The following ABRAXAS1 variants were observed in gnomAD, a reference collection of about 807,000 sequenced individuals.
ABRAXAS1 encodes abraxas 1, BRCA1 A complex subunit.
ABRAXAS1 carries 26 observed loss-of-function variants against 38.4 expected under a neutral mutation model. The ratio of observed to expected loss-of-function variants is 0.68; its 90% CI spans 0.50 to 0.94. The LOEUF is 0.94. Among genes scored for constraint, ABRAXAS1 ranks in the 40% least tolerant of loss-of-function variants. ABRAXAS1 has a pLI of 0.00. For synonymous variants in ABRAXAS1, 144 were observed against 165.5 expected (o/e 0.87, Z 1.00); for missense variants, 438 against 481.9 (o/e 0.91, Z 0.85).
chr4:83,469,277 C>T, intron 5 of ABRAXAS1, 126 bp from the exon 6 acceptor site: 1 of 765,988 alleles, frequency 1.3e-6, no homozygotes, highest in East Asian at 2.5e-5. Flanking sequence ...CCATTCTTTA[C>T]TACTTATCCA....
chr4:83,484,750 G>C, intron 1 of ABRAXAS1: 1 of 397,466 alleles, frequency 2.5e-6, no homozygotes, highest in Non-Finnish European at 4.5e-6. Context: ...GGACACTTGG[G>C]TCGGAAAAGG....
rs759939936 is a variant in ABRAXAS1, at chr4:83,462,565, GT to G, written c.1133del (p.Asn378ThrfsTer8). 3 of 1,613,992 alleles carry G rather than the reference GT, an allele frequency of 1.9e-6. No homozygotes were observed. The Admixed American group carries it at 5.0e-5, about 27-fold the overall frequency. ...TGCTCATTTTGGATGCTTTATCTTGGTTACTACTACCAGTATCTGCTTTAGA... is the reference window on the plus strand; with the variant it reads ...TGCTCATTTTGGATGCTTTATCTTGGTACTACTACCAGTATCTGCTTTAGA... ...KRSKADTGSS[N>X]QDKASKMSSP... On this transcript the variant is annotated frameshift_variant, in exon 9 of 9. Coordinates refer to ENST00000321945, the MANE Select transcript of ABRAXAS1 (RefSeq NM_139076.3). LOFTEE classifies it low-confidence loss of function (END_TRUNC).
rs1039440759 is a variant in ABRAXAS1, at chr4:83,469,305, T to A, written c.477-154A>T. 1.1e-4 allele frequency: 73 copies of A among 648,560 alleles called. No homozygotes were observed. The Admixed American group carries it at 1.8e-3, about 16-fold the overall frequency. 40.2% of individuals were successfully genotyped at this position (648,560 alleles called of 1,614,324 possible). ...CTTATCCAAAATAGAATTTACTGAC[T>A]TGAAACAACTGTTTTTTTTTTTTTT... On this transcript the variant is annotated intron_variant, in intron 5 of 8. Transcript: ENST00000321945.
Position 83,466,498 on chromosome 4 carries a change from G to A in ABRAXAS1, c.681+956C>T, listed in dbSNP as rs188690003. Reference sequence around the variant, plus strand: ...AAATGTGAGTAGAAGTGACATGGCCGTTTTAAGCAAAGTTTTAAGAGCTGT... The same window carrying A: ...AAATGTGAGTAGAAGTGACATGGCCATTTTAAGCAAAGTTTTAAGAGCTGT... On this transcript the variant is annotated intron_variant, in intron 7 of 8. Transcript: ENST00000321945. 3.5e-3 allele frequency among the ~76,000 whole-genome samples: 531 copies of A among 151,398 alleles called. 5 individuals carry two copies. Among genetic ancestry groups the A allele is most frequent in the African/African-American group, 0.012 (500 of 41,268 alleles).
chr4:83,480,470 T>C (rs6838354), intron 2 of ABRAXAS1: 233,087 of 234,148 alleles, frequency 1, 116,017 homozygotes, highest in East Asian at 1. Context: ...ATCCATGAAA[T>C]AGTAGTTGCC....
chr4:83,462,601 T>C lies in ABRAXAS1; in HGVS notation c.1098A>G (p.Gln366=), dbSNP rs1560570555. ...CAGTATCTGCTTTAGATCGTTTGTCTTGTGTATCTAACAACCGAGATCTCT... is the reference window on the plus strand; with the variant it reads ...CAGTATCTGCTTTAGATCGTTTGTCCTGTGTATCTAACAACCGAGATCTCT... ...QFKRSRLLDT[Q]DKRSKADTGS... is the part of the protein sequence containing the mutation. The change falls in exon 9 of 9, where the codon CAA becomes CAG. Residue 366 remains glutamine, a synonymous_variant. Coordinates refer to ENST00000321945, the MANE Select transcript of ABRAXAS1 (RefSeq NM_139076.3). The C allele has an allele frequency of 6.2e-7, 1 of 1,614,172 alleles. No homozygotes were observed. The highest frequency in any genetic ancestry group is 8.5e-7 in the Non-Finnish European group (1 of 1,180,020).
intron 3 of ABRAXAS1, among the ~76,000 whole-genome samples, chr4:83,472,612 C>T (rs1722623898): frequency 6.6e-6 from 1 of 152,166 alleles, no homozygotes; most frequent in African/African-American, 2.4e-5. Flanking sequence ...AACCGGTTCA[C>T]AATTCATTCA....
At chr4:83,479,007 A>C (rs907549330) in intron 2 of ABRAXAS1, 1 of 152,254 alleles carries the variant, frequency 6.6e-6, no homozygotes, top group Non-Finnish European at 1.5e-5. Context: ...TATCAAAAAA[A>C]TACTTAACCT....
At chr4:83,476,552 A>C in intron 3 of ABRAXAS1, 91 bp downstream of exon 3, 2 of 935,712 alleles carry the variant, frequency 2.1e-6, no homozygotes, top group Non-Finnish European at 3.4e-6. Flanking sequence ...TATAGGTTAT[A>C]ACTAAGATAA....
intron 2 of ABRAXAS1, among the ~76,000 whole-genome samples, chr4:83,481,795 G>C (rs1295433135): frequency 6.6e-6 from 1 of 151,952 alleles, no homozygotes; most frequent in Non-Finnish European, 1.5e-5. Context: ...TGTTGCCCAG[G>C]CTGTAGTGCA....
At chr4:83,463,768 A>T (rs924544737) in intron 7 of ABRAXAS1, 160 bp from the exon 8 acceptor site, 2 of 423,132 alleles carry the variant, frequency 4.7e-6, no homozygotes, top group Non-Finnish European at 8.3e-6. Flanking sequence ...TGTCAGTAAC[A>T]AGCACTTGTA....
intron 6 of ABRAXAS1, 49 bp from the exon 7 acceptor site, chr4:83,467,587 T>A (rs756160650): frequency 3.3e-6 from 3 of 911,286 alleles, no homozygotes; most frequent in South Asian, 2.8e-5. Flanking sequence ...ACCATTTTAA[T>A]GATAAGGTGA....
chr4:83,475,819 T>C (rs967423866), intron 3 of ABRAXAS1, among the ~76,000 whole-genome samples: 33 of 152,204 alleles, frequency 2.2e-4, no homozygotes, highest in Admixed American at 1.7e-3. Context: ...AGCTAAAAAA[T>C]ACACAATGTA....
Position 83,471,189 on chromosome 4 carries a change from ATCTTTTTTTT to A in ABRAXAS1, c.283-803_283-794del, listed in dbSNP as rs1560575151. On this transcript the variant is annotated intron_variant, in intron 4 of 8. Transcript: ENST00000321945. Reference sequence around the variant, plus strand: ...GCCAAACATATTTGTTGAAAGAAACATCTTTTTTTTTTTTTTTTTTTTTTTTTTTTTTTTG... The same window carrying A: ...GCCAAACATATTTGTTGAAAGAAACATTTTTTTTTTTTTTTTTTTTTTTTG... 4.2e-4 allele frequency among the ~76,000 whole-genome samples: 52 copies of A among 124,148 alleles called. 2 individuals are homozygous for A. Among genetic ancestry groups the A allele is most frequent in the Admixed American group, 8.5e-4 (10 of 11,776 alleles). 81.4% of individuals were successfully genotyped at this position (124,148 alleles called of 152,430 possible). A position where few individuals can be genotyped will look rare whatever the true frequency, so the allele number is the denominator to read the frequency against.
intron 3 of ABRAXAS1, among the ~76,000 whole-genome samples, chr4:83,475,678 C>A (rs528457643): frequency 6.6e-6 from 1 of 152,034 alleles, no homozygotes; most frequent in African/African-American, 2.4e-5. Context: ...ATTTTTCTTG[C>A]GTGGTTTATA....
intron 2 of ABRAXAS1, chr4:83,477,840 T>C: frequency 1.3e-6 from 1 of 777,502 alleles, no homozygotes; most frequent in Non-Finnish European, 2.3e-6. Context: ...TTGAAGCAAT[T>C]ATCTGTAGAA....
chr4:83,463,678 AAAT>A, intron 7 of ABRAXAS1, 70 bp from the exon 8 acceptor site: 1 of 755,678 alleles, frequency 1.3e-6, no homozygotes, highest in Non-Finnish European at 2.1e-6. Flanking sequence ...CTAGATTCAC[AAAT>A]AATATAAAAT....
intron 3 of ABRAXAS1, among the ~76,000 whole-genome samples, chr4:83,475,465 G>C (rs1393487287): frequency 6.6e-6 from 1 of 151,564 alleles, no homozygotes; most frequent in Non-Finnish European, 1.5e-5. Context: ...CCTTTTTTTG[G>C]AGACAGGGTC....
At chr4:83,484,358 C>A (rs528867473) in intron 1 of ABRAXAS1, among the ~76,000 whole-genome samples, 1 of 152,202 alleles carries the variant, frequency 6.6e-6, no homozygotes, top group Non-Finnish European at 1.5e-5. Flanking sequence ...CCGAGCTCAA[C>A]GTTTTACAGC....
Sources: gnomAD v4.1 joint callset for allele counts (sites outside exome capture counted in the v4.1 genomes callset) on GRCh38, gnomAD v4.1.1 for gene constraint, MANE v1.5 for transcripts, NCBI Gene and HGNC (gene_info 2026-07-23, HGNC 2026-07-21) for gene names.